Variants in LRRC37A3 observed in about 807,000 individuals in gnomAD.
LRRC37A3 encodes the protein leucine rich repeat containing 37 member A3.
A neutral mutation model predicts 106.2 loss-of-function variants in LRRC37A3; 25 were observed. That is an observed-to-expected ratio of 0.24 (90% CI 0.17 to 0.33). The LOEUF is 0.33. Ranked by LOEUF, LRRC37A3 falls within the 10% of genes least tolerant of loss-of-function variation. LRRC37A3 has a pLI of 1.00. For synonymous variants in LRRC37A3, 305 were observed against 635.8 expected (o/e 0.48, Z 7.83); for missense variants, 712 against 1,644.9 (o/e 0.43, Z 9.81).
chr17:64,866,584 ACG>A (rs1434724983), intron 10 of LRRC37A3, among the ~76,000 whole-genome samples: 1 of 74,980 alleles, frequency 1.3e-5, no homozygotes, highest in Non-Finnish European at 2.3e-5. Context: ...ACATATATAC[ACG>A]TACATATATA....
intron 10 of LRRC37A3, among the ~76,000 whole-genome samples, chr17:64,865,364 G>A (rs553680891): frequency 0.013 from 1,904 of 152,242 alleles, 42 homozygotes; most frequent in African/African-American, 0.044. Flanking sequence ...GGCTGGTCTC[G>A]AACTCCTGGG....
At chr17:64,864,870 G>A (rs1029124046) in intron 10 of LRRC37A3, among the ~76,000 whole-genome samples, 4 of 152,056 alleles carry the variant, frequency 2.6e-5, no homozygotes, top group Non-Finnish European at 5.9e-5. Flanking sequence ...CCAAAAGGAT[G>A]GCTTTATTGG....
intron 2 of LRRC37A3, among the ~76,000 whole-genome samples, chr17:64,914,422 G>A (rs1378940265): frequency 5.4e-5 from 8 of 148,622 alleles, no homozygotes; most frequent in Admixed American, 5.4e-4. Flanking sequence ...AGCTGGGCGT[G>A]GTGGTGGGTG....
intron 10 of LRRC37A3, among the ~76,000 whole-genome samples, chr17:64,865,517 A>G (rs1191575695): frequency 6.6e-6 from 1 of 152,224 alleles, no homozygotes; most frequent in Non-Finnish European, 1.5e-5. Flanking sequence ...TGGCTGGGAA[A>G]CATTTTCAAA....
At chr17:64,866,928 G>T (rs1285580004) in intron 10 of LRRC37A3, among the ~76,000 whole-genome samples, 1 of 148,754 alleles carries the variant, frequency 6.7e-6, no homozygotes, top group African/African-American at 2.5e-5. Context: ...ACCAGCCTGG[G>T]GAACATACTG....
At chr17:64,863,233 A>C in intron 10 of LRRC37A3, 3 of 589,046 alleles carry the variant, frequency 5.1e-6, no homozygotes, top group Non-Finnish European at 9.1e-6. Flanking sequence ...CCTAGAATAA[A>C]GATGGTTGGG....
chr17:64,918,951 C>G (rs1447627301), intron 1 of LRRC37A3, 81 bp from the exon 2 acceptor site: 37 of 1,080,728 alleles, frequency 3.4e-5, no homozygotes, highest in Admixed American at 4.4e-5. Flanking sequence ...CCGTCCGGAC[C>G]TGCAGCTGTC....
In LRRC37A3 at chr17:64,854,466, C is replaced by T. The variant is rs113366281; in HGVS notation, c.*133G>A. On this transcript the variant is annotated 3_prime_UTR_variant, in exon 15 of 15. Transcript: ENST00000584306. ...TTAGACTGGGAAACAAGGGCAGGAA[C>T]GATGGCCCTGTGCTTGCTCTGCCCG... 8,790 of 1,291,308 alleles carry T rather than the reference C, an allele frequency of 6.8e-3. 456 individuals are homozygous for T. The African/African-American group carries it at 0.12, about 17-fold the overall frequency. The allele number at this position is 1,291,308 out of a possible 1,614,324, so 80.0% of individuals were successfully genotyped here. A position where few individuals can be genotyped will look rare whatever the true frequency, so the allele number is the denominator to read the frequency against.
At chr17:64,854,846 C>T (rs1277112627) in intron 14 of LRRC37A3, among the ~76,000 whole-genome samples, 1 of 152,150 alleles carries the variant, frequency 6.6e-6, no homozygotes, top group African/African-American at 2.4e-5. Context: ...GAGGTTTGTA[C>T]ATATCTTTAA....
In LRRC37A3 at chr17:64,859,697, G is replaced by A. The variant is rs373499291; in HGVS notation, c.4449C>T (p.Ser1483=). The change falls in exon 12 of 15, where the codon TCC becomes TCT. Residue 1483 remains serine (S), a synonymous_variant. Coordinates refer to ENST00000584306, the MANE Select transcript of LRRC37A3 (RefSeq NM_199340.5). The part of the protein sequence containing the change: ...FEIQLTQQLQ[S]VIPNNNVRRL... The stretch of plus-strand genomic sequence containing the variant: ...TTCTCACATTGTTGTTGGGGATAAC[G>A]GACTGCAGCTGCTGGGTTAGCTGAA... The A allele has an allele frequency of 3.3e-5, 54 of 1,613,696 alleles. No homozygotes were observed. The highest frequency in any genetic ancestry group is 1.9e-4 in the African/African-American group (14 of 74,860).
intron 8 of LRRC37A3, among the ~76,000 whole-genome samples, chr17:64,878,613 A>G (rs1973590085): frequency 6.6e-6 from 1 of 152,262 alleles, no homozygotes; most frequent in African/African-American, 2.4e-5. Context: ...GGAAATGTCC[A>G]TCAAAAACTG....
At position 64,859,703 on chromosome 17, in the gene LRRC37A3, C is replaced by T. The variant is rs1972803216; in HGVS notation, c.4443G>A (p.Leu1481=). 6.2e-7 allele frequency: 1 copy of T among 1,613,736 alleles called. No homozygotes were observed. The highest frequency in any genetic ancestry group is 1.1e-5 in the South Asian group (1 of 91,026). Residue 1481 remains leucine, a synonymous_variant, in exon 12 of 15, where the codon CTG becomes CTA. Coordinates refer to ENST00000584306, the MANE Select transcript of LRRC37A3 (RefSeq NM_199340.5). ...CATTGTTGTTGGGGATAACGGACTG[C>T]AGCTGCTGGGTTAGCTGAATTTCAA... ...DQFEIQLTQQ[L]QSVIPNNNVR...
intron 2 of LRRC37A3, among the ~76,000 whole-genome samples, chr17:64,904,288 A>T (rs545758163): frequency 1.3e-5 from 2 of 152,412 alleles, no homozygotes; most frequent in African/African-American, 4.8e-5. Context: ...GAGACCAGGC[A>T]GGACAACACA....
At chr17:64,880,785 A>G (rs1288535434) in intron 8 of LRRC37A3, among the ~76,000 whole-genome samples, 1 of 152,032 alleles carries the variant, frequency 6.6e-6, no homozygotes, top group African/African-American at 2.4e-5. Context: ...TTTCCCCTCC[A>G]AATTCTTCTA....
chr17:64,862,087 AGG>A (rs1201106464), intron 11 of LRRC37A3, among the ~76,000 whole-genome samples: 1 of 151,688 alleles, frequency 6.6e-6, no homozygotes, highest in Non-Finnish European at 1.5e-5. Flanking sequence ...CTTGGGGAGA[AGG>A]GAATAACATA....
In LRRC37A3 at chr17:64,862,907, TGTG is replaced by T. The variant is rs1322328501; in HGVS notation, c.3162_3164del (p.Thr1055del). The T allele has an allele frequency of 6.3e-7, 1 of 1,599,088 alleles. No individual in the cohort carries two copies. Among genetic ancestry groups the T allele is most frequent in the Non-Finnish European group, 8.5e-7 (1 of 1,179,770 alleles). ...CATGCAATTTGGACTCACGACAATG[TGTG>T]GTGTTTGTCAGACATGCACTGTTGC... On this transcript the variant is annotated inframe_deletion, in exon 11 of 15. Transcript: ENST00000584306.
At chr17:64,909,068 C>T (rs1234484827) in intron 2 of LRRC37A3, among the ~76,000 whole-genome samples, 11 of 152,110 alleles carry the variant, frequency 7.2e-5, no homozygotes, top group Non-Finnish European at 8.8e-5. Flanking sequence ...AGCCACAGTG[C>T]CCAGCCCAGA....
chr17:64,856,081 G>C (rs886705036), intron 13 of LRRC37A3, among the ~76,000 whole-genome samples, 192 bp from the exon 14 acceptor site: 5 of 152,060 alleles, frequency 3.3e-5, no homozygotes, highest in African/African-American at 1.2e-4. Context: ...TCTTGCGGGG[G>C]ATTGGTTCTA....
chr17:64,864,197 T>C (rs1349183186), intron 10 of LRRC37A3, among the ~76,000 whole-genome samples: 1 of 152,132 alleles, frequency 6.6e-6, no homozygotes, highest in Non-Finnish European at 1.5e-5. Flanking sequence ...TTACAGGCCA[T>C]CTGCGGTTAC....
Sources: gnomAD v4.1 joint callset for allele counts (sites outside exome capture counted in the v4.1 genomes callset) on GRCh38, gnomAD v4.1.1 for gene constraint, MANE v1.5 for transcripts, NCBI Gene and HGNC (gene_info 2026-07-23, HGNC 2026-07-21) for gene names.